Variants in KIF2A observed in about 807,000 individuals in gnomAD.
The protein encoded by KIF2A is kinesin-like protein KIF2A.
Under a neutral mutation model 100.2 loss-of-function variants are expected in KIF2A, and 22 were observed. The observed-to-expected ratio is 0.22, with a 90% CI of 0.16 to 0.31. The LOEUF (loss-of-function observed/expected upper bound fraction) is 0.31. KIF2A is among the 10% of genes least tolerant of loss of function. The pLI, the probability that KIF2A is intolerant of heterozygous loss-of-function variation, is 1.00. For synonymous variants in KIF2A, 268 were observed against 285.9 expected, an observed-to-expected ratio of 0.94 and a Z score of 0.63; for missense variants, 495 against 898.7, an observed-to-expected ratio of 0.55 and a Z score of 5.74.
chr5:62,354,496 A>G (rs1748002403), intron 6 of KIF2A, among the ~76,000 whole-genome samples: 2 of 152,258 alleles, frequency 1.3e-5, no homozygotes, highest in African/African-American at 2.4e-5. Flanking sequence ...ACTGTTGACT[A>G]TTGCTATTTG....
chr5:62,331,466 TAA>T (rs1230778834), intron 1 of KIF2A, among the ~76,000 whole-genome samples: 4 of 151,982 alleles, frequency 2.6e-5, no homozygotes, highest in Non-Finnish European at 5.9e-5. Flanking sequence ...CATATGCCTG[TAA>T]TCCCAGCTCC....
chr5:62,339,728 T>TA lies in KIF2A; in HGVS notation c.65-7401dup, dbSNP rs557216177. 1.4e-4 allele frequency among the ~76,000 whole-genome samples: 21 copies of TA among 149,326 alleles called. 1 individual carries two copies. The South Asian group carries it at 4.4e-3, about 32-fold the overall frequency. ...GAAAATGAGTTATATACATTTTATA[T>TA]ATACAACATAAATGAATTGCAAAAA... On this transcript the variant is annotated intron_variant, in intron 1 of 20. Coordinates refer to ENST00000407818, the MANE Select transcript of KIF2A (RefSeq NM_001098511.3).
intron 2 of KIF2A, 22 bp from the exon 3 acceptor site, chr5:62,348,026 T>TA (rs747130285): frequency 3.7e-6 from 6 of 1,606,734 alleles, no homozygotes; most frequent in Non-Finnish European, 8.5e-7. Context: ...CTCAAAAGAC[T>TA]ATGTGTATGT....
intron 6 of KIF2A, among the ~76,000 whole-genome samples, 184 bp from the exon 7 acceptor site, chr5:62,354,975 C>G (rs184791886): frequency 6.6e-6 from 1 of 152,206 alleles, no homozygotes; most frequent in African/African-American, 2.4e-5. Context: ...CACAATTTTA[C>G]AAACACAAAG....
At chr5:62,331,773 A>AC (rs939524305) in intron 1 of KIF2A, among the ~76,000 whole-genome samples, 2 of 151,544 alleles carry the variant, frequency 1.3e-5, no homozygotes, top group Admixed American at 6.6e-5. Flanking sequence ...AAAAAAAAAA[A>AC]AACAACATAG....
Position 62,339,299 on chromosome 5 carries a change from C to T in KIF2A, c.65-7831C>T, listed in dbSNP as rs1344380570. ...CTCATCACCAAGGGGATGGTGCACT[C>T]ATCACCAAGGGGATGGTGCTAAACC... On this transcript the variant is annotated intron_variant, in intron 1 of 20. Coordinates refer to ENST00000407818, the MANE Select transcript of KIF2A (RefSeq NM_001098511.3). Among the ~76,000 whole-genome samples, 5 of 114,060 alleles carry T rather than the reference C, an allele frequency of 4.4e-5. No homozygotes were observed. The East Asian group carries it at 1.3e-3, about 30-fold the overall frequency. 74.8% of individuals were successfully genotyped at this position (114,060 alleles called of 152,430 possible).
intron 1 of KIF2A, among the ~76,000 whole-genome samples, chr5:62,309,030 G>A (rs905453681): frequency 6.6e-6 from 1 of 152,098 alleles, no homozygotes; most frequent in African/African-American, 2.4e-5. Context: ...TAAAAAATTA[G>A]GGTGCAATAA....
At chr5:62,331,529 TGTG>T (rs1490753283) in intron 1 of KIF2A, among the ~76,000 whole-genome samples, 2 of 152,112 alleles carry the variant, frequency 1.3e-5, no homozygotes, top group Non-Finnish European at 2.9e-5. Flanking sequence ...AGGCAGAGGT[TGTG>T]GTGAGTTGAG....
intron 1 of KIF2A, among the ~76,000 whole-genome samples, chr5:62,315,924 A>G (rs756352835): frequency 2.6e-5 from 4 of 152,360 alleles, no homozygotes; most frequent in South Asian, 2.1e-4. Context: ...TTATATTGCA[A>G]TATATCCCTT....
intron 1 of KIF2A, among the ~76,000 whole-genome samples, chr5:62,341,710 G>A (rs1264207863): frequency 1.3e-5 from 2 of 151,672 alleles, no homozygotes; most frequent in African/African-American, 2.4e-5. Context: ...TTGCTCCACC[G>A]GCCCACCTTT....
At chr5:62,359,294 C>T (rs1211896273) in intron 9 of KIF2A, among the ~76,000 whole-genome samples, 2 of 151,948 alleles carry the variant, frequency 1.3e-5, no homozygotes, top group African/African-American at 4.8e-5. Flanking sequence ...ATATTACTGT[C>T]TTTGTAATTG....
intron 1 of KIF2A, among the ~76,000 whole-genome samples, chr5:62,324,525 G>A (rs1746265897): frequency 6.6e-6 from 1 of 152,134 alleles, no homozygotes; most frequent in Admixed American, 6.5e-5. Context: ...TAGACCAGTG[G>A]AACAAGATTG....
chr5:62,357,641 G>A, intron 7 of KIF2A, 50 bp from the exon 8 acceptor site: 2 of 959,884 alleles, frequency 2.1e-6, no homozygotes, highest in Non-Finnish European at 3.2e-6. Flanking sequence ...ACGTTTTAGT[G>A]TTTTACATGA....
rs112968346 is a variant in KIF2A, at chr5:62,355,469, G to A, written c.654+215G>A. 3.9e-4 allele frequency among the ~76,000 whole-genome samples: 59 copies of A among 152,258 alleles called. 1 individual carries two copies. The highest frequency in any genetic ancestry group is 1.4e-3 in the African/African-American group (57 of 41,562). The stretch of plus-strand genomic sequence containing the variant: ...TATGAGATATGCTCCCTATAGAGAT[G>A]TCCTTCTCGAAGCAAAACCTCCCTG... On this transcript the variant is annotated intron_variant, in intron 7 of 20. Transcript: ENST00000407818.
At chr5:62,335,754 G>C (rs1746911078) in intron 1 of KIF2A, among the ~76,000 whole-genome samples, 1 of 152,114 alleles carries the variant, frequency 6.6e-6, no homozygotes, top group Non-Finnish European at 1.5e-5. Context: ...AAAAAATTGA[G>C]AAAACTCCTT....
At chr5:62,381,945 C>G (rs192260049) in intron 20 of KIF2A, among the ~76,000 whole-genome samples, 1 of 152,196 alleles carries the variant, frequency 6.6e-6, no homozygotes, top group Non-Finnish European at 1.5e-5. Flanking sequence ...TGTGCCTTAC[C>G]TACTAAGTCG....
chr5:62,312,800 C>G (rs1745618497), intron 1 of KIF2A, among the ~76,000 whole-genome samples: 1 of 152,084 alleles, frequency 6.6e-6, no homozygotes, highest in African/African-American at 2.4e-5. Context: ...CTAGGCTGAG[C>G]ATGGTAGTTC....
intron 1 of KIF2A, among the ~76,000 whole-genome samples, chr5:62,335,264 G>T (rs1054764213): frequency 1.3e-5 from 2 of 152,156 alleles, no homozygotes; most frequent in African/African-American, 4.8e-5. Context: ...GATGAGCTGC[G>T]CATGGAGCTA....
At chr5:62,348,453 T>C (rs931626300) in intron 3 of KIF2A, among the ~76,000 whole-genome samples, 9 of 152,294 alleles carry the variant, frequency 5.9e-5, no homozygotes, top group African/African-American at 1.9e-4. Flanking sequence ...ATTTGCTTGG[T>C]GTTTGTTGAA....
Sources: gnomAD v4.1 joint callset for allele counts (sites outside exome capture counted in the v4.1 genomes callset) on GRCh38, gnomAD v4.1.1 for gene constraint, MANE v1.5 for transcripts, NCBI Gene and HGNC (gene_info 2026-07-23, HGNC 2026-07-21) for gene names.